LRTM3: variants seen among roughly 807,000 people sequenced by gnomAD.
The protein encoded by LRTM3 is leucine-rich repeat transmembrane protein 3.
At chr13:102,746,257 C>T in the LRTM3 span, 3 of 1,550,952 alleles carry the variant, frequency 1.9e-6, no homozygotes, top group Non-Finnish European at 2.6e-6. Context: ...ACCCCAGGTG[C>T]TGGCTCAGCT....
At chr13:102,739,260 A>C in the LRTM3 span, 1 of 1,550,358 alleles carries the variant, frequency 6.5e-7, no homozygotes. Flanking sequence ...TTTCCTTTCA[A>C]AGTGATACAT....
chr13:102,735,960 A>G, the LRTM3 span: 3 of 1,548,970 alleles, frequency 1.9e-6, no homozygotes, highest in Non-Finnish European at 1.7e-6. Flanking sequence ...TTTCCATTGC[A>G]TAGAAGTGCA....
the LRTM3 span, chr13:102,730,433 C>G: frequency 6.4e-7 from 1 of 1,551,026 alleles, no homozygotes; most frequent in South Asian, 1.2e-5. Context: ...AACAGCTGAA[C>G]CAGTAGCATT....
At chr13:102,733,106 G>T in the LRTM3 span, 22 of 1,551,346 alleles carry the variant, frequency 1.4e-5, 1 homozygote, top group South Asian at 2.3e-4. Context: ...TTCCGATGGT[G>T]TCTTCTGCTT....
the LRTM3 span, chr13:102,734,048 G>T: frequency 1.3e-6 from 2 of 1,551,400 alleles, no homozygotes; most frequent in South Asian, 2.4e-5. Flanking sequence ...AAAAGTCCTT[G>T]ACAGAACCAC....
chr13:102,741,627 G>T, the LRTM3 span: 5 of 1,550,362 alleles, frequency 3.2e-6, no homozygotes, highest in East Asian at 9.8e-5. Flanking sequence ...ATATCTTCTT[G>T]TTTCAGCAAT....
At chr13:102,745,481 AAGTTAC>A in the LRTM3 span, 1 of 1,550,968 alleles carries the variant, frequency 6.4e-7, no homozygotes, top group South Asian at 1.2e-5. Context: ...TTTGGTTGTC[AAGTTAC>A]AGCTCAGTTC....
At chr13:102,748,380 G>A in the LRTM3 span, 5 of 1,550,908 alleles carry the variant, frequency 3.2e-6, no homozygotes, top group East Asian at 2.4e-5. Flanking sequence ...TTGCTTCCTG[G>A]GGAAATGAGC....
chr13:102,731,862 C>G, the LRTM3 span: 1 of 1,549,764 alleles, frequency 6.5e-7, no homozygotes, highest in African/African-American at 1.4e-5. Flanking sequence ...GATGGACACT[C>G]TGTGGGTGTC....
At chr13:102,758,747 C>G in the LRTM3 span, 10 of 1,550,818 alleles carry the variant, frequency 6.4e-6, no homozygotes, top group Non-Finnish European at 8.7e-6. Context: ...TGGGCTTCTT[C>G]CAAAAGGATG....
the LRTM3 span, chr13:102,733,548 T>G: frequency 1.9e-6 from 3 of 1,551,278 alleles, no homozygotes; most frequent in Non-Finnish European, 2.6e-6. Context: ...TTATCCATTA[T>G]TTCAGTGTCT....
At chr13:102,737,943 C>T in the LRTM3 span, 141 of 1,550,866 alleles carry the variant, frequency 9.1e-5, 2 homozygotes, top group South Asian at 1.6e-3. Context: ...TTCCCTTGCT[C>T]TATGCCTACT....
the LRTM3 span, among the ~76,000 whole-genome samples, chr13:102,754,229 C>T: frequency 6.7e-6 from 1 of 149,876 alleles, no homozygotes; most frequent in Non-Finnish European, 1.5e-5. Context: ...AAAAAAAAAC[C>T]CTGAAGCAAA....
At chr13:102,733,865 T>C in the LRTM3 span, 2 of 1,551,408 alleles carry the variant, frequency 1.3e-6, no homozygotes, top group Non-Finnish European at 1.7e-6. Flanking sequence ...TTCTGCTTGC[T>C]TAACAACGTT....
the LRTM3 span, chr13:102,732,361 C>T: frequency 1.1e-5 from 17 of 1,551,166 alleles, no homozygotes; most frequent in African/African-American, 1.4e-4. Flanking sequence ...TACCACGCCC[C>T]GTGATATTAA....
At chr13:102,737,973 C>G in the LRTM3 span, 62 of 1,551,026 alleles carry the variant, frequency 4.0e-5, no homozygotes, top group Admixed American at 7.9e-5. Flanking sequence ...TTCTGTTGCT[C>G]TTCAACTTCG....
chr13:102,745,327 C>T, the LRTM3 span: 1 of 1,550,614 alleles, frequency 6.4e-7, no homozygotes, highest in African/African-American at 1.4e-5. Context: ...ATGTATCTTG[C>T]TTTACTTGAG....
chr13:102,741,471 T>C, the LRTM3 span: 1 of 1,549,568 alleles, frequency 6.5e-7, no homozygotes, highest in African/African-American at 1.4e-5. Context: ...AATATATCAG[T>C]TTCCTTTAAT....
the LRTM3 span, chr13:102,747,795 T>C: frequency 6.4e-7 from 1 of 1,551,174 alleles, no homozygotes; most frequent in East Asian, 2.4e-5. Context: ...TTCTCCAAAA[T>C]AGTTTGTGTA....
Sources: allele counts gnomAD v4.1 joint callset (sites outside exome capture counted in the v4.1 genomes callset), GRCh38; gene constraint gnomAD v4.1.1; transcripts MANE v1.5; gene names NCBI Gene and HGNC (gene_info 2026-07-23, HGNC 2026-07-21).